PCSK5: variants seen among roughly 807,000 people sequenced by gnomAD.
PCSK5 encodes the protein prohormone convertase 5.
PCSK5 carries 129 observed loss-of-function variants against 233.2 expected under a neutral mutation model. The ratio of observed to expected loss-of-function variants is 0.55; its 90% CI spans 0.48 to 0.64. PCSK5 has a LOEUF of 0.64. Among genes scored for constraint, PCSK5 ranks in the 30% least tolerant of loss-of-function variants. The probability of loss-of-function intolerance (pLI) is 0.00; values close to 1 mark genes in which losing one functional copy is unlikely to be tolerated. For missense variants in PCSK5, 2,076 were observed against 2,430.1 expected, an observed-to-expected ratio of 0.85 and a Z score of 3.06; for synonymous variants, 825 against 879.2, an observed-to-expected ratio of 0.94 and a Z score of 1.09.
At chr9:75,902,715 T>C (rs1220034059) in intron 1 of PCSK5, among the ~76,000 whole-genome samples, 1 of 152,202 alleles carries the variant, frequency 6.6e-6, no homozygotes, top group Non-Finnish European at 1.5e-5. Context: ...TGTGCTGATA[T>C]GTCCACTGGG....
chr9:76,175,829 A>G (rs1823589103), intron 14 of PCSK5, among the ~76,000 whole-genome samples: 2 of 152,232 alleles, frequency 1.3e-5, no homozygotes, highest in South Asian at 2.1e-4. Flanking sequence ...CTGTAAATCT[A>G]AACATTTCTT....
chr9:76,238,958 G>A lies in PCSK5; in HGVS notation c.2867-1G>A, dbSNP rs769947691. On this transcript the variant is annotated splice_acceptor_variant, in intron 22 of 37. Coordinates refer to ENST00000674117, the MANE Select transcript of PCSK5 (RefSeq NM_001372043.1). LOFTEE classifies it high-confidence loss of function. ...TTTTCGTTGCCCCTGTAACTGATCA[G>A]ACAACTATGGCCGAGAGCACTTCCT... The A allele has an allele frequency of 6.2e-7, 1 of 1,610,860 alleles. No individual in the cohort carries two copies. Among genetic ancestry groups the A allele is most frequent in the East Asian group, 2.2e-5 (1 of 44,826 alleles).
intron 35 of PCSK5, among the ~76,000 whole-genome samples, chr9:76,338,768 C>T (rs1829753126): frequency 6.6e-6 from 1 of 152,084 alleles, no homozygotes; most frequent in Non-Finnish European, 1.5e-5. Flanking sequence ...ATTTTCATTA[C>T]TCCCACTATT....
At chr9:76,347,391 C>T (rs1337689743) in intron 35 of PCSK5, among the ~76,000 whole-genome samples, 1 of 152,160 alleles carries the variant, frequency 6.6e-6, no homozygotes, top group African/African-American at 2.4e-5. Flanking sequence ...GGGTGTTAAA[C>T]TTTAAAATAA....
At chr9:76,064,115 G>A (rs1399593418) in intron 5 of PCSK5, among the ~76,000 whole-genome samples, 1 of 122,536 alleles carries the variant, frequency 8.2e-6, no homozygotes, top group Non-Finnish European at 1.7e-5. Context: ...CCCAGACGGG[G>A]CGGCTGGCTG....
At chr9:76,335,348 G>GGA (rs1157866846) in intron 34 of PCSK5, among the ~76,000 whole-genome samples, 1 of 152,166 alleles carries the variant, frequency 6.6e-6, no homozygotes, top group African/African-American at 2.4e-5. Flanking sequence ...CTTTAATAAA[G>GGA]AAGAAATGGA....
At chr9:76,294,593 A>G (rs1193585223) in intron 25 of PCSK5, among the ~76,000 whole-genome samples, 1 of 152,148 alleles carries the variant, frequency 6.6e-6, no homozygotes, top group African/African-American at 2.4e-5. Flanking sequence ...ATTTTTGAGC[A>G]CTTAACCCTG....
intron 2 of PCSK5, among the ~76,000 whole-genome samples, chr9:75,942,218 G>C (rs1054868929): frequency 6.6e-6 from 1 of 152,224 alleles, no homozygotes. Flanking sequence ...AATTTAAAAG[G>C]ACATGCAAGT....
intron 24 of PCSK5, among the ~76,000 whole-genome samples, chr9:76,269,993 G>A (rs1330666172): frequency 6.6e-6 from 1 of 151,980 alleles, no homozygotes; most frequent in East Asian, 1.9e-4. Flanking sequence ...TGATGAATAG[G>A]CAGATTCTTT....
chr9:76,084,858 T>G (rs2131627844), intron 7 of PCSK5, among the ~76,000 whole-genome samples: 1 of 152,246 alleles, frequency 6.6e-6, no homozygotes, highest in East Asian at 1.9e-4. Flanking sequence ...TTAAAGTATA[T>G]ATGGCTTAGA....
At chr9:75,935,921 T>A (rs1488320993) in intron 2 of PCSK5, among the ~76,000 whole-genome samples, 1 of 152,140 alleles carries the variant, frequency 6.6e-6, no homozygotes, top group African/African-American at 2.4e-5. Context: ...TATCTGCCAG[T>A]TTCTCTACTT....
chr9:75,926,545 A>G (rs1472290682), intron 1 of PCSK5, among the ~76,000 whole-genome samples: 1 of 152,208 alleles, frequency 6.6e-6, no homozygotes, highest in Non-Finnish European at 1.5e-5. Context: ...TGGGATTACC[A>G]TAATCAAAAT....
At chr9:75,992,531 C>A (rs1006587093) in intron 3 of PCSK5, among the ~76,000 whole-genome samples, 2 of 151,942 alleles carry the variant, frequency 1.3e-5, no homozygotes, top group Non-Finnish European at 2.9e-5. Context: ...AACTGTTAGC[C>A]AATAATGATT....
intron 2 of PCSK5, among the ~76,000 whole-genome samples, chr9:75,980,473 T>C (rs569898177): frequency 1.3e-5 from 2 of 152,334 alleles, no homozygotes; most frequent in African/African-American, 4.8e-5. Flanking sequence ...AAGCATCTGA[T>C]GTTTGCAGTC....
Position 75,919,386 on chromosome 9 carries a change from T to C in PCSK5, c.193-12993T>C, listed in dbSNP as rs558180366. Among the ~76,000 whole-genome samples the C allele has an allele frequency of 2.1e-4, 32 of 152,334 alleles. No individual in the cohort carries two copies. In the South Asian group the frequency reaches 2.3e-3, roughly 11 times the overall value. Reference sequence around the variant, plus strand: ...TAGGGCATTGGGTTGTTTCCAGTTTTTGGTGATTGACTAAAGCTGCTCTAA... The same window carrying C: ...TAGGGCATTGGGTTGTTTCCAGTTTCTGGTGATTGACTAAAGCTGCTCTAA... On this transcript the variant is annotated intron_variant, in intron 1 of 37. Transcript: ENST00000674117.
intron 24 of PCSK5, among the ~76,000 whole-genome samples, chr9:76,289,341 T>C (rs1828192063): frequency 6.6e-6 from 1 of 152,076 alleles, no homozygotes; most frequent in African/African-American, 2.4e-5. Context: ...CCCCAAAATA[T>C]GCTCTCTCAG....
chr9:75,927,773 C>A (rs911040673), intron 1 of PCSK5, among the ~76,000 whole-genome samples: 1 of 152,100 alleles, frequency 6.6e-6, no homozygotes, highest in Non-Finnish European at 1.5e-5. Flanking sequence ...AGGTGTCCTC[C>A]TGCTGCTAGA....
chr9:76,342,829 G>A (rs1161481560), intron 35 of PCSK5, among the ~76,000 whole-genome samples: 1 of 151,978 alleles, frequency 6.6e-6, no homozygotes, highest in Non-Finnish European at 1.5e-5. Context: ...TCACCCAGTT[G>A]CCTGAGACAG....
intron 6 of PCSK5, among the ~76,000 whole-genome samples, chr9:76,070,980 T>C (rs1830461932): frequency 6.6e-6 from 1 of 152,194 alleles, no homozygotes; most frequent in Admixed American, 6.5e-5. Context: ...TGGTTGTTTT[T>C]ATGAGCCTCC....
Sources: allele counts gnomAD v4.1 joint callset (sites outside exome capture counted in the v4.1 genomes callset), GRCh38; gene constraint gnomAD v4.1.1; transcripts MANE v1.5; gene names NCBI Gene and HGNC (gene_info 2026-07-23, HGNC 2026-07-21).